CALN1: variants seen among roughly 807,000 people sequenced by gnomAD.
CALN1 encodes calneuron 1.
Under a neutral mutation model 30.6 loss-of-function variants are expected in CALN1, and 17 were observed. The ratio of observed to expected loss-of-function variants is 0.56; its 90% CI spans 0.38 to 0.83. CALN1 has a LOEUF of 0.83. CALN1 is among the 40% of genes least tolerant of loss of function. The pLI, the probability that CALN1 is intolerant of heterozygous loss-of-function variation, is 0.00. For missense variants in CALN1, 291 were observed against 354.9 expected (o/e 0.82, Z 1.45); for synonymous variants, 156 against 131.4 (o/e 1.19, Z -1.28).
intron 2 of CALN1, among the ~76,000 whole-genome samples, chr7:72,305,011 T>G (rs1799553003): frequency 6.6e-6 from 1 of 152,212 alleles, no homozygotes; most frequent in African/African-American, 2.4e-5. Context: ...CAAGGCTGCC[T>G]GATGGCCACG....
intron 2 of CALN1, among the ~76,000 whole-genome samples, chr7:72,389,149 T>C (rs1805416277): frequency 1.3e-5 from 2 of 152,118 alleles, no homozygotes; most frequent in South Asian, 2.1e-4. Flanking sequence ...TCCGGTGGGC[T>C]CCCAAGGTCT....
At chr7:72,357,701 G>A (rs1387221400) in intron 2 of CALN1, among the ~76,000 whole-genome samples, 1 of 151,522 alleles carries the variant, frequency 6.6e-6, no homozygotes, top group South Asian at 2.1e-4. Flanking sequence ...TAATCAATAG[G>A]CAAAATTTAA....
chr7:72,243,165 C>T (rs1247060464), intron 3 of CALN1, among the ~76,000 whole-genome samples: 1 of 152,024 alleles, frequency 6.6e-6, no homozygotes, highest in African/African-American at 2.4e-5. Flanking sequence ...GGGAGGAGCC[C>T]CCGTGATGGT....
At chr7:71,952,702 C>A (rs969880019) in intron 5 of CALN1, among the ~76,000 whole-genome samples, 2 of 152,016 alleles carry the variant, frequency 1.3e-5, no homozygotes, top group African/African-American at 2.4e-5. Context: ...CATACGGACG[C>A]CCCAGGTGCC....
At chr7:72,393,742 CT>C (rs11302119) in intron 2 of CALN1, among the ~76,000 whole-genome samples, 64,447 of 125,582 alleles carry the variant, frequency 0.51, 14,254 homozygotes, top group African/African-American at 0.59. Flanking sequence ...GACCATAGAG[CT>C]TTTTTTTTTT....
chr7:72,001,461 G>A (rs1799524275), intron 5 of CALN1, among the ~76,000 whole-genome samples: 1 of 152,188 alleles, frequency 6.6e-6, no homozygotes, highest in Non-Finnish European at 1.5e-5. Context: ...GTATACACAT[G>A]TGGCCTCTCC....
At chr7:72,453,993 A>ATATAT in the CALN1 span, among the ~76,000 whole-genome samples, 3 of 148,216 alleles carry the variant, frequency 2.0e-5, no homozygotes, top group African/African-American at 7.5e-5. Context: ...ACAACCAAAA[A>ATATAT]ATATATATAT....
intron 4 of CALN1, among the ~76,000 whole-genome samples, chr7:72,105,330 A>G (rs1399651694): frequency 1.3e-5 from 2 of 152,184 alleles, no homozygotes; most frequent in Admixed American, 1.3e-4. Flanking sequence ...TGTTCCCTGC[A>G]GCCTCTTGCT....
intron 2 of CALN1, among the ~76,000 whole-genome samples, chr7:72,342,278 C>T (rs920372491): frequency 5.1e-5 from 7 of 137,688 alleles, no homozygotes; most frequent in African/African-American, 1.6e-4. Flanking sequence ...AAAAAAAAAT[C>T]AGAAACACAA....
intron 3 of CALN1, among the ~76,000 whole-genome samples, chr7:72,129,386 T>C (rs542995123): frequency 1.3e-5 from 2 of 152,268 alleles, no homozygotes; most frequent in African/African-American, 2.4e-5. Flanking sequence ...TATTCAAGCA[T>C]ACAAACACAT....
chr7:72,247,223 C>CTTTTTTTT (rs1795235414), intron 3 of CALN1, among the ~76,000 whole-genome samples: 1 of 43,490 alleles, frequency 2.3e-5, no homozygotes, highest in Non-Finnish European at 6.0e-5. Flanking sequence ...AGACCATTTT[C>CTTTTTTTT]TTTCTTTTTT....
intron 4 of CALN1, among the ~76,000 whole-genome samples, chr7:72,074,278 C>G (rs1251357123): frequency 2.0e-5 from 3 of 152,096 alleles, no homozygotes; most frequent in Non-Finnish European, 4.4e-5. Context: ...GAAAATGTTT[C>G]CAGAGAGAAG....
chr7:71,932,935 A>T (rs1196379723), intron 5 of CALN1, among the ~76,000 whole-genome samples: 3 of 152,054 alleles, frequency 2.0e-5, no homozygotes, highest in African/African-American at 7.2e-5. Context: ...GATAGGGCGC[A>T]TGTCACATTG....
chr7:72,247,146 G>C (rs1007032254), intron 3 of CALN1, among the ~76,000 whole-genome samples: 2 of 146,880 alleles, frequency 1.4e-5, no homozygotes, highest in Admixed American at 6.9e-5. Context: ...CACCCAGATA[G>C]TTACGGAGAA....
intron 2 of CALN1, among the ~76,000 whole-genome samples, chr7:72,387,802 C>T (rs886815245): frequency 6.6e-6 from 1 of 152,112 alleles, no homozygotes; most frequent in Non-Finnish European, 1.5e-5. Context: ...GGACAAACAC[C>T]ACATGATCTC....
At chr7:72,089,402 C>T (rs1272452255) in intron 4 of CALN1, among the ~76,000 whole-genome samples, 2 of 151,956 alleles carry the variant, frequency 1.3e-5, no homozygotes, top group East Asian at 3.9e-4. Flanking sequence ...CACAGGAGAA[C>T]CCCCACAAAA....
At chr7:72,181,339 C>T (rs1161173976) in intron 3 of CALN1, among the ~76,000 whole-genome samples, 1 of 150,850 alleles carries the variant, frequency 6.6e-6, no homozygotes, top group African/African-American at 2.4e-5. Context: ...TAATGTGTTG[C>T]TACCAATTGC....
At chr7:71,989,065 T>G (rs980358812) in intron 5 of CALN1, among the ~76,000 whole-genome samples, 1 of 151,880 alleles carries the variant, frequency 6.6e-6, no homozygotes, top group Non-Finnish European at 1.5e-5. Context: ...TGGCCCAGAG[T>G]CAAACCAGAT....
At chr7:71,854,801 C>G (rs1019118629) in intron 5 of CALN1, among the ~76,000 whole-genome samples, 1 of 152,196 alleles carries the variant, frequency 6.6e-6, no homozygotes, top group Non-Finnish European at 1.5e-5. Context: ...CTGTCAGAAG[C>G]TTCGGGCTCA....
Sources: allele counts gnomAD v4.1 joint callset (sites outside exome capture counted in the v4.1 genomes callset), GRCh38; gene constraint gnomAD v4.1.1; transcripts MANE v1.5; gene names NCBI Gene and HGNC (gene_info 2026-07-23, HGNC 2026-07-21).